The following DACH2 variants were observed in gnomAD, a reference collection of about 807,000 sequenced individuals.
DACH2 encodes the protein dachshund family transcription factor 2, also known as dachshund homolog 2.
A neutral mutation model predicts 35.8 loss-of-function variants in DACH2; 17 were observed. The ratio of observed to expected loss-of-function variants is 0.48; its 90% CI spans 0.33 to 0.71. The LOEUF (loss-of-function observed/expected upper bound fraction) is 0.71, where lower values mean the gene tolerates loss of function less well. Ranked by LOEUF, DACH2 falls within the 30% of genes least tolerant of loss-of-function variation. The pLI is 0.02. For synonymous variants in DACH2, 195 were observed against 177.3 expected, an observed-to-expected ratio of 1.10 and a Z score of -0.79; for missense variants, 469 against 472.7, an observed-to-expected ratio of 0.99 and a Z score of 0.07.
chrX:86,414,921 C>G (rs1314215355), intron 2 of DACH2, among the ~76,000 whole-genome samples: 1 of 111,577 alleles, frequency 9.0e-6, no homozygotes, highest in Non-Finnish European at 1.9e-5. Context: ...CCTAGAGGGA[C>G]AGGACTTATA....
chrX:86,266,490 A>AT lies in DACH2; in HGVS notation c.489-110333dup, dbSNP rs2033714939. Among the ~76,000 whole-genome samples the AT allele has an allele frequency of 2.7e-5, 3 of 112,002 alleles. No homozygotes were observed. The Admixed American group carries it at 2.9e-4, about 11-fold the overall frequency. ...ACTGACGTTCTAAAAACATTATAAGATAGTGGCAACTGATACTGTCAAAGT... is the reference window on the plus strand; with the variant it reads ...ACTGACGTTCTAAAAACATTATAAGATTAGTGGCAACTGATACTGTCAAAGT... On this transcript the variant is annotated intron_variant, in intron 1 of 11. Coordinates refer to ENST00000373125, the MANE Select transcript of DACH2 (RefSeq NM_053281.3).
At chrX:86,240,490 A>G (rs1020027771) in intron 1 of DACH2, among the ~76,000 whole-genome samples, 2 of 106,009 alleles carry the variant, frequency 1.9e-5, no homozygotes, top group Non-Finnish European at 3.9e-5. Flanking sequence ...ACTTTTTGAG[A>G]CATAGTCTTG....
At chrX:86,234,617 T>A (rs1192595064) in intron 1 of DACH2, among the ~76,000 whole-genome samples, 5 of 77,058 alleles carry the variant, frequency 6.5e-5, no homozygotes, top group African/African-American at 2.7e-4. Flanking sequence ...TATTTTAATT[T>A]AATTTTTTTT....
chrX:86,256,905 G>A (rs1004311425), intron 1 of DACH2, among the ~76,000 whole-genome samples: 57 of 111,103 alleles, frequency 5.1e-4, no homozygotes, highest in African/African-American at 1.8e-3. Flanking sequence ...AAACATTTGG[G>A]AATTTGTGTA....
intron 1 of DACH2, chrX:86,184,204 GTCT>G (rs2031603608): frequency 5.8e-6 from 1 of 173,523 alleles, no homozygotes; most frequent in African/African-American, 3.9e-5. Context: ...GTTATTTCTA[GTCT>G]TCTGATTTTT....
At chrX:86,160,146 T>C in intron 1 of DACH2, 1 of 761,089 alleles carries the variant, frequency 1.3e-6, no homozygotes, top group Non-Finnish European at 1.8e-6. Flanking sequence ...ACTATTAAAC[T>C]TAAATGGCCC....
At chrX:86,619,387 G>GA (rs1353046741) in intron 3 of DACH2, among the ~76,000 whole-genome samples, 1 of 111,663 alleles carries the variant, frequency 9.0e-6, no homozygotes, top group Non-Finnish European at 1.9e-5. Flanking sequence ...CCTGAAGCCA[G>GA]AAAAAACAAA....
intron 2 of DACH2, among the ~76,000 whole-genome samples, chrX:86,509,555 C>T (rs1050606881): frequency 2.7e-5 from 3 of 111,566 alleles, no homozygotes; most frequent in Non-Finnish European, 5.6e-5. Context: ...ATTCAGTTTG[C>T]TGTGAGGTCA....
chrX:86,378,785 T>C (rs955519463), intron 2 of DACH2, among the ~76,000 whole-genome samples: 5 of 110,776 alleles, frequency 4.5e-5, no homozygotes, highest in African/African-American at 1.6e-4. Flanking sequence ...ACCTGAAGCC[T>C]TTGATCATGG....
chrX:86,390,464 T>C (rs1456281557), intron 2 of DACH2, among the ~76,000 whole-genome samples: 1 of 112,058 alleles, frequency 8.9e-6, no homozygotes, highest in African/African-American at 3.2e-5. Context: ...GAGGACTTTA[T>C]GAAAGTGGAA....
intron 2 of DACH2, among the ~76,000 whole-genome samples, chrX:86,504,479 T>C (rs1203850515): frequency 3.0e-5 from 2 of 67,259 alleles, no homozygotes; most frequent in African/African-American, 3.8e-4. Flanking sequence ...AAATAGATCT[T>C]ATTTATTTAT....
At chrX:86,272,509 A>G (rs2033833169) in intron 1 of DACH2, among the ~76,000 whole-genome samples, 1 of 111,698 alleles carries the variant, frequency 9.0e-6, no homozygotes, top group Non-Finnish European at 1.9e-5. Context: ...ACCAGCCATG[A>G]AGAAAACATC....
At chrX:86,302,068 TAC>T (rs2034585922) in intron 1 of DACH2, among the ~76,000 whole-genome samples, 1 of 111,980 alleles carries the variant, frequency 8.9e-6, no homozygotes, top group Non-Finnish European at 1.9e-5. Flanking sequence ...AAATGTCTTG[TAC>T]TTAATGCATG....
intron 2 of DACH2, among the ~76,000 whole-genome samples, chrX:86,449,896 C>T (rs1007999875): frequency 2.7e-5 from 3 of 111,458 alleles, no homozygotes; most frequent in African/African-American, 9.8e-5. Flanking sequence ...TACTTACATA[C>T]TTATGATATG....
At chrX:86,445,878 A>C (rs1300177447) in intron 2 of DACH2, among the ~76,000 whole-genome samples, 2 of 111,469 alleles carry the variant, frequency 1.8e-5, no homozygotes, top group East Asian at 5.7e-4. Flanking sequence ...TTGGATTCGA[A>C]TGCTGATTAA....
At chrX:86,250,080 T>TA (rs1314214378) in intron 1 of DACH2, among the ~76,000 whole-genome samples, 1 of 110,966 alleles carries the variant, frequency 9.0e-6, no homozygotes, top group East Asian at 2.8e-4. Context: ...GGGTGAGGAA[T>TA]AAAAAATTAC....
At chrX:86,417,554 A>C (rs1602497450) in intron 2 of DACH2, among the ~76,000 whole-genome samples, 1 of 111,330 alleles carries the variant, frequency 9.0e-6, no homozygotes, top group East Asian at 2.9e-4. Context: ...TAAAACCATC[A>C]GATCTCATGA....
intron 2 of DACH2, among the ~76,000 whole-genome samples, chrX:86,500,679 A>G (rs2038237767): frequency 9.0e-6 from 1 of 111,513 alleles, no homozygotes; most frequent in Non-Finnish European, 1.9e-5. Flanking sequence ...CACAATATTA[A>G]TGTTTAATTA....
intron 3 of DACH2, among the ~76,000 whole-genome samples, chrX:86,574,310 C>A (rs570429082): frequency 1.8e-5 from 2 of 111,222 alleles, no homozygotes; most frequent in African/African-American, 3.3e-5. Context: ...TAAACAATCT[C>A]TCTCGGTTGA....
Sources: allele counts gnomAD v4.1 joint callset (sites outside exome capture counted in the v4.1 genomes callset), GRCh38; gene constraint gnomAD v4.1.1; transcripts MANE v1.5; gene names NCBI Gene and HGNC (gene_info 2026-07-23, HGNC 2026-07-21).